The following JAZF1 variants were observed in gnomAD, a reference collection of about 807,000 sequenced individuals.
The protein encoded by JAZF1 is juxtaposed with another zinc finger protein 1.
In JAZF1, 8 loss-of-function variants were observed where a neutral mutation model predicts 26.4. The observed-to-expected ratio is 0.30, with a 90% CI of 0.18 to 0.55. JAZF1 has a LOEUF of 0.55. Ranked by LOEUF, JAZF1 falls within the 20% of genes least tolerant of loss-of-function variation. The pLI, the probability that JAZF1 is intolerant of heterozygous loss-of-function variation, is 0.94. For missense variants in JAZF1, 199 were observed against 322.0 expected, an observed-to-expected ratio of 0.62 and a Z score of 2.92; for synonymous variants, 126 against 122.3, an observed-to-expected ratio of 1.03 and a Z score of -0.20.
At position 27,948,299 on chromosome 7, in the gene JAZF1, T is replaced by C. The variant is rs1475513734; in HGVS notation, c.188+43610A>G. Reference sequence around the variant, plus strand: ...CATGCCACGGTGCTCCAGCTTATCATTGCAAACACAGCCAAATAAAAACTA... The same window carrying C: ...CATGCCACGGTGCTCCAGCTTATCACTGCAAACACAGCCAAATAAAAACTA... On this transcript the variant is annotated intron_variant, in intron 2 of 4. Transcript: ENST00000283928. Among the ~76,000 whole-genome samples, 3 of 152,182 alleles carry C rather than the reference T, an allele frequency of 2.0e-5. No individual in the cohort carries two copies. The East Asian group carries it at 5.8e-4, about 29-fold the overall frequency.
intron 2 of JAZF1, among the ~76,000 whole-genome samples, chr7:27,899,386 T>C (rs1784127451): frequency 6.6e-6 from 1 of 152,210 alleles, no homozygotes. Context: ...CTTTCCTCAA[T>C]GAGTCTGGAC....
intron 1 of JAZF1, among the ~76,000 whole-genome samples, chr7:28,080,932 A>T (rs1056577743): frequency 1.4e-4 from 18 of 131,944 alleles, no homozygotes; most frequent in Non-Finnish European, 1.6e-4. Flanking sequence ...TACAATTTGT[A>T]AAAAAAAACA....
intron 1 of JAZF1, among the ~76,000 whole-genome samples, chr7:28,163,825 T>C (rs1300534641): frequency 1.3e-5 from 2 of 152,222 alleles, no homozygotes; most frequent in African/African-American, 4.8e-5. Flanking sequence ...ATCTCTGTAC[T>C]AAACATCAAA....
intron 1 of JAZF1, among the ~76,000 whole-genome samples, chr7:28,137,249 A>G (rs187684771): frequency 1.3e-5 from 2 of 152,316 alleles, no homozygotes; most frequent in African/African-American, 4.8e-5. Context: ...CAAAGGGTCT[A>G]GGTAGAGAAG....
At chr7:27,878,125 C>T (rs17150572) in intron 3 of JAZF1, among the ~76,000 whole-genome samples, 26,217 of 151,926 alleles carry the variant, frequency 0.17, 2,994 homozygotes, top group East Asian at 0.48. Context: ...GAGTGAACTA[C>T]GAACATGATG....
At chr7:28,068,217 GTT>G (rs551935511) in intron 1 of JAZF1, among the ~76,000 whole-genome samples, 15 of 124,454 alleles carry the variant, frequency 1.2e-4, no homozygotes, top group African/African-American at 2.0e-4. Context: ...GCTCAGCCTA[GTT>G]TTTTTTTTTT....
chr7:28,044,210 A>G (rs1783453954), intron 1 of JAZF1, among the ~76,000 whole-genome samples: 2 of 152,152 alleles, frequency 1.3e-5, no homozygotes, highest in African/African-American at 2.4e-5. Flanking sequence ...ACCATAAAAT[A>G]TATCTCATCT....
chr7:27,907,388 G>C (rs1464481856), intron 2 of JAZF1, among the ~76,000 whole-genome samples: 1 of 152,186 alleles, frequency 6.6e-6, no homozygotes. Context: ...TCCCAGGAAG[G>C]AGAAATTGTT....
At chr7:27,879,023 G>A (rs1432643700) in intron 3 of JAZF1, among the ~76,000 whole-genome samples, 2 of 152,160 alleles carry the variant, frequency 1.3e-5, no homozygotes, top group African/African-American at 4.8e-5. Flanking sequence ...TTACAGCAAT[G>A]CTGCTACTCT....
Position 27,831,135 on chromosome 7 carries a change from T to G in JAZF1, c.*1665A>C, listed in dbSNP as rs1343216515. On this transcript the variant is annotated 3_prime_UTR_variant, in exon 5 of 5. Transcript: ENST00000283928. ...TGTATATTCAGGACCAAGACCATAC[T>G]TCAGATCTGAGGAAATTTTTAGAGG... is the stretch of plus-strand genomic sequence containing the variant. 9.0e-6 allele frequency: 2 copies of G among 223,276 alleles called. No individual in the cohort carries two copies. The highest frequency in any genetic ancestry group is 1.8e-5 in the Non-Finnish European group (2 of 111,610). The allele number at this position is 223,276 out of a possible 1,614,324, so 13.8% of individuals were successfully genotyped here. A position where few individuals can be genotyped will look rare whatever the true frequency, so the allele number is the denominator to read the frequency against.
intron 3 of JAZF1, among the ~76,000 whole-genome samples, chr7:27,875,345 C>T (rs1172447602): frequency 6.6e-6 from 1 of 152,156 alleles, no homozygotes; most frequent in African/African-American, 2.4e-5. Flanking sequence ...GAATAGAGTC[C>T]CTCTTTTAGC....
intron 1 of JAZF1, among the ~76,000 whole-genome samples, chr7:28,165,684 T>C (rs552707): frequency 0.77 from 117,748 of 152,096 alleles, 46,191 homozygotes; most frequent in East Asian, 0.98. Flanking sequence ...TCCCCTTCAT[T>C]GAGCTTCACT....
intron 1 of JAZF1, among the ~76,000 whole-genome samples, chr7:28,158,205 G>GAGGGAGA (rs1562606908): frequency 1.1e-5 from 1 of 89,210 alleles, no homozygotes; most frequent in African/African-American, 4.5e-5. Context: ...AGAGAGAGAG[G>GAGGGAGA]GAGAGAGAGA....
intron 1 of JAZF1, among the ~76,000 whole-genome samples, chr7:28,105,359 G>A (rs754693348): frequency 3.3e-5 from 5 of 152,126 alleles, no homozygotes; most frequent in African/African-American, 7.2e-5. Context: ...TTTAGTTACC[G>A]CAGATAAACT....
intron 1 of JAZF1, among the ~76,000 whole-genome samples, chr7:28,055,903 T>A (rs1277383338): frequency 6.6e-6 from 1 of 152,214 alleles, no homozygotes; most frequent in Non-Finnish European, 1.5e-5. Context: ...AAGTAACTTG[T>A]TTAAGGCCTC....
At position 27,918,810 on chromosome 7, in the gene JAZF1, A is replaced by C. The variant is rs148659793; in HGVS notation, c.189-23394T>G. ...CAAAATGAATTAAGGAGAAGAGAAA[A>C]CAGTGGTGATAAGAGAAAAAAAAAA... is the stretch of plus-strand genomic sequence containing the variant. On this transcript the variant is annotated intron_variant, in intron 2 of 4. Transcript: ENST00000283928. Among the ~76,000 whole-genome samples, 755 of 152,240 alleles carry C rather than the reference A, an allele frequency of 5.0e-3. 9 individuals carry two copies. The highest frequency in any genetic ancestry group is 0.017 in the African/African-American group (726 of 41,486).
intron 1 of JAZF1, among the ~76,000 whole-genome samples, chr7:28,161,003 A>G (rs1460470590): frequency 6.6e-6 from 1 of 152,154 alleles, no homozygotes; most frequent in Non-Finnish European, 1.5e-5. Context: ...GTGGATCTCA[A>G]CGTCTAAGTC....
chr7:27,993,995 C>A (rs932943435), intron 1 of JAZF1, among the ~76,000 whole-genome samples: 4 of 152,162 alleles, frequency 2.6e-5, no homozygotes, highest in African/African-American at 9.7e-5. Context: ...AATATTCCCA[C>A]AAACCATCTT....
intron 1 of JAZF1, among the ~76,000 whole-genome samples, chr7:28,122,865 A>G (rs1269734194): frequency 6.6e-6 from 1 of 152,190 alleles, no homozygotes; most frequent in Non-Finnish European, 1.5e-5. Flanking sequence ...AAATTCCATT[A>G]ACTGGAATGA....
Sources: gnomAD v4.1 joint callset for allele counts (sites outside exome capture counted in the v4.1 genomes callset) on GRCh38, gnomAD v4.1.1 for gene constraint, MANE v1.5 for transcripts, NCBI Gene and HGNC (gene_info 2026-07-23, HGNC 2026-07-21) for gene names.